MAGI1: variants seen among roughly 807,000 people sequenced by gnomAD.
The protein encoded by MAGI1 is membrane-associated guanylate kinase, WW and PDZ domain-containing protein 1.
MAGI1 carries 58 observed loss-of-function variants against 139.9 expected under a neutral mutation model. The observed-to-expected ratio is 0.41, with a 90% CI of 0.34 to 0.52. The LOEUF (loss-of-function observed/expected upper bound fraction) is 0.52, where lower values mean the gene tolerates loss of function less well. MAGI1 is among the 20% of genes least tolerant of loss of function. The pLI is 0.12. For missense variants in MAGI1, 1,874 were observed against 1,901.6 expected, an observed-to-expected ratio of 0.99 and a Z score of 0.27; for synonymous variants, 812 against 737.9, an observed-to-expected ratio of 1.10 and a Z score of -1.63.
chr3:65,900,926 G>T (rs1243503916), intron 1 of MAGI1, among the ~76,000 whole-genome samples: 1 of 152,180 alleles, frequency 6.6e-6, no homozygotes, highest in East Asian at 1.9e-4. Context: ...CAGGCTCTGG[G>T]AAGCAGATCA....
At position 65,438,826 on chromosome 3, in the gene MAGI1, T is replaced by C. The variant is rs73131604; in HGVS notation, c.1270+1053A>G. Among the ~76,000 whole-genome samples, 668 of 152,330 alleles carry C rather than the reference T, an allele frequency of 4.4e-3. 3 individuals are homozygous for C. Among genetic ancestry groups the C allele is most frequent in the Middle Eastern group, 0.037 (11 of 294 alleles). On this transcript the variant is annotated intron_variant, in intron 9 of 22. Transcript: ENST00000402939. ...TTTTATTTGAACACAGCTACACCTA[T>C]TCATTTACATAATGTCTACAGCTAT...
chr3:65,431,476 T>C (rs1463721340), intron 10 of MAGI1, among the ~76,000 whole-genome samples: 1 of 152,162 alleles, frequency 6.6e-6, no homozygotes, highest in East Asian at 1.9e-4. Flanking sequence ...AACTGATTTT[T>C]TCCTATTTAT....
At chr3:65,886,224 T>C (rs2108550075) in intron 1 of MAGI1, among the ~76,000 whole-genome samples, 1 of 152,300 alleles carries the variant, frequency 6.6e-6, no homozygotes, top group East Asian at 1.9e-4. Context: ...GCACAGAAAG[T>C]TCATATGTAA....
rs571490416 is a variant in MAGI1, at chr3:65,415,635, A to T, written c.2167+13885T>A. Among the ~76,000 whole-genome samples the T allele has an allele frequency of 3.2e-4, 48 of 152,350 alleles. 2 individuals are homozygous for T. In the South Asian group the frequency reaches 9.9e-3, roughly 32 times the overall value. ...TTCTCCAATAAAATTTCTTCAATCC[A>T]TATTCAACAAAAAATAACCCAGAAG... On this transcript the variant is annotated intron_variant, in intron 12 of 22. Transcript: ENST00000402939.
chr3:65,894,558 T>G (rs761361306), intron 1 of MAGI1, among the ~76,000 whole-genome samples: 1 of 152,220 alleles, frequency 6.6e-6, no homozygotes, highest in African/African-American at 2.4e-5. Context: ...ATGTCAAATG[T>G]TAGCATTTTC....
chr3:65,435,093 T>C (rs1947739593), intron 10 of MAGI1, among the ~76,000 whole-genome samples: 1 of 152,206 alleles, frequency 6.6e-6, no homozygotes, highest in African/African-American at 2.4e-5. Flanking sequence ...TGCCAGCACT[T>C]TGATCTTTGA....
intron 8 of MAGI1, among the ~76,000 whole-genome samples, chr3:65,441,961 C>A (rs576882642): frequency 1.3e-5 from 2 of 152,222 alleles, no homozygotes; most frequent in Non-Finnish European, 2.9e-5. Flanking sequence ...ATGACAGTTA[C>A]ATCTTCAGTG....
intron 2 of MAGI1, among the ~76,000 whole-genome samples, chr3:65,590,895 CA>C (rs1157847803): frequency 2.6e-4 from 39 of 152,180 alleles, no homozygotes; most frequent in African/African-American, 9.2e-4. Context: ...AGAGAATGAA[CA>C]CGCTTACACA....
chr3:65,688,477 T>G (rs548621976), intron 1 of MAGI1: 286 of 462,210 alleles, frequency 6.2e-4, no homozygotes, highest in South Asian at 5.0e-3. Flanking sequence ...GACCTTCCCT[T>G]CACTCCCTTT....
chr3:65,484,958 C>T (rs1392605211), intron 3 of MAGI1, among the ~76,000 whole-genome samples: 2 of 152,216 alleles, frequency 1.3e-5, no homozygotes, highest in Non-Finnish European at 2.9e-5. Flanking sequence ...GGAGCCACAT[C>T]TGATTTTGTG....
intron 5 of MAGI1, among the ~76,000 whole-genome samples, chr3:65,464,633 T>C (rs149924223): frequency 7.0e-4 from 106 of 152,174 alleles, no homozygotes; most frequent in Non-Finnish European, 1.3e-3. Context: ...TTCCATCCTT[T>C]ACTTTCAACA....
intron 1 of MAGI1, among the ~76,000 whole-genome samples, chr3:65,778,749 G>A (rs1415216052): frequency 2.6e-5 from 4 of 152,188 alleles, no homozygotes; most frequent in Non-Finnish European, 4.4e-5. Flanking sequence ...TAAGATGACT[G>A]AAGCCAGTCA....
intron 1 of MAGI1, among the ~76,000 whole-genome samples, chr3:65,980,204 A>T (rs1164020865): frequency 6.6e-6 from 1 of 152,224 alleles, no homozygotes; most frequent in Non-Finnish European, 1.5e-5. Flanking sequence ...TGGACAAATT[A>T]CTTAGCCTCT....
intron 12 of MAGI1, among the ~76,000 whole-genome samples, chr3:65,405,298 T>A (rs1237347156): frequency 6.6e-6 from 1 of 152,196 alleles, no homozygotes; most frequent in African/African-American, 2.4e-5. Context: ...GAAATCTGTT[T>A]TCCTCTAAAT....
intron 1 of MAGI1, among the ~76,000 whole-genome samples, chr3:65,638,686 T>C (rs1326626367): frequency 7.5e-6 from 1 of 133,230 alleles, no homozygotes; most frequent in Non-Finnish European, 1.6e-5. Flanking sequence ...CTCAGCTCAC[T>C]GCAACCTCCT....
At chr3:65,857,957 C>T (rs1051811053) in intron 1 of MAGI1, among the ~76,000 whole-genome samples, 1 of 152,034 alleles carries the variant, frequency 6.6e-6, no homozygotes, top group Non-Finnish European at 1.5e-5. Flanking sequence ...AAATAGTATT[C>T]ATTCTAGCCT....
At chr3:66,006,524 T>C (rs562361788) in intron 1 of MAGI1, among the ~76,000 whole-genome samples, 2 of 152,328 alleles carry the variant, frequency 1.3e-5, no homozygotes, top group African/African-American at 4.8e-5. Flanking sequence ...CATATACATA[T>C]GAGTAAGACA....
chr3:65,737,543 T>C (rs1226784776), intron 1 of MAGI1, among the ~76,000 whole-genome samples: 3 of 152,174 alleles, frequency 2.0e-5, no homozygotes, highest in African/African-American at 4.8e-5. Flanking sequence ...TAATGTAACA[T>C]TGTTCCAATA....
At chr3:65,994,626 G>GT (rs2066346701) in intron 1 of MAGI1, among the ~76,000 whole-genome samples, 1 of 152,198 alleles carries the variant, frequency 6.6e-6, no homozygotes, top group Non-Finnish European at 1.5e-5. Flanking sequence ...AGGGAATGCA[G>GT]TATCTTCTGT....
Sources: gnomAD v4.1 joint callset for allele counts (sites outside exome capture counted in the v4.1 genomes callset) on GRCh38, gnomAD v4.1.1 for gene constraint, MANE v1.5 for transcripts, NCBI Gene and HGNC (gene_info 2026-07-23, HGNC 2026-07-21) for gene names.